The following NAA30 variants were observed in gnomAD, a reference collection of about 807,000 sequenced individuals.
NAA30 encodes N-alpha-acetyltransferase 30, NatC catalytic subunit.
A neutral mutation model predicts 31.4 loss-of-function variants in NAA30; 5 were observed. The ratio of observed to expected loss-of-function variants is 0.16; its 90% CI spans 0.08 to 0.33. The LOEUF is 0.33. Ranked by LOEUF, NAA30 falls within the 10% of genes least tolerant of loss-of-function variation. NAA30 has a pLI of 1.00. For missense variants in NAA30, 428 were observed against 490.8 expected (o/e 0.87, Z 1.21); for synonymous variants, 222 against 207.1 (o/e 1.07, Z -0.62).
Position 57,409,602 on chromosome 14 carries a change from G to C in NAA30, c.*86G>C, listed in dbSNP as rs1314179407. On this transcript the variant is annotated 3_prime_UTR_variant, in exon 5 of 5. Coordinates refer to ENST00000556492, the MANE Select transcript of NAA30 (RefSeq NM_001011713.3). Reference sequence around the variant, plus strand: ...TTTGTACAGAATTGCTTTGCAGGTGGATTTAGTAATTTCCATGCAGCTCTT... The same window carrying C: ...TTTGTACAGAATTGCTTTGCAGGTGCATTTAGTAATTTCCATGCAGCTCTT... 1 of 1,359,430 alleles carries C rather than the reference G, an allele frequency of 7.4e-7. No homozygotes were observed. Among genetic ancestry groups the C allele is most frequent in the Non-Finnish European group, 9.8e-7 (1 of 1,021,094 alleles). 84.2% of individuals were successfully genotyped at this position (1,359,430 alleles called of 1,614,324 possible). A position where few individuals can be genotyped will look rare whatever the true frequency, so the allele number is the denominator to read the frequency against.
Position 57,390,624 on chromosome 14 carries a change from G to C in NAA30, c.-83G>C. The C allele has an allele frequency of 3.0e-6, 1 of 337,808 alleles. No homozygotes were observed. Among genetic ancestry groups the C allele is most frequent in the Non-Finnish European group, 5.3e-6 (1 of 187,664 alleles). The allele number at this position is 337,808 out of a possible 1,614,324, so 20.9% of individuals were successfully genotyped here. A position where few individuals can be genotyped will look rare whatever the true frequency, so the allele number is the denominator to read the frequency against. ...CTGAGTGAGAACCTTGGCGGCTGTGGAGGCTGCCGCGGCTGCGAAGGAGGC... is the reference window on the plus strand; with the variant it reads ...CTGAGTGAGAACCTTGGCGGCTGTGCAGGCTGCCGCGGCTGCGAAGGAGGC... On this transcript the variant is annotated 5_prime_UTR_variant, in exon 1 of 5. Transcript: ENST00000556492.
intron 4 of NAA30, among the ~76,000 whole-genome samples, chr14:57,408,950 C>T (rs1043424930): frequency 1.3e-5 from 2 of 152,106 alleles, no homozygotes; most frequent in Admixed American, 6.5e-5. Context: ...GAATAAATGA[C>T]ATATTAATGA....
intron 3 of NAA30, among the ~76,000 whole-genome samples, chr14:57,397,605 G>A (rs1024417612): frequency 2.6e-5 from 4 of 152,092 alleles, no homozygotes; most frequent in Admixed American, 1.3e-4. Flanking sequence ...GATAACTTTT[G>A]TCATTTAAAT....
intron 4 of NAA30, among the ~76,000 whole-genome samples, chr14:57,407,509 G>A (rs1413510769): frequency 6.6e-6 from 1 of 152,168 alleles, no homozygotes; most frequent in Admixed American, 6.5e-5. Flanking sequence ...AGGGCCAAAA[G>A]AGAGGAGGAT....
intron 4 of NAA30, among the ~76,000 whole-genome samples, chr14:57,403,234 G>GA (rs11406655): frequency 0.79 from 107,198 of 136,412 alleles, 43,398 homozygotes; most frequent in Non-Finnish European, 0.89. Context: ...TCCGTGGCCG[G>GA]AAAAAAAAAA....
rs144871771 is a variant in NAA30 at position 57,408,474 on chromosome 14, C to T, written c.952-905C>T. On this transcript the variant is annotated intron_variant, in intron 4 of 4. Coordinates refer to ENST00000556492, the MANE Select transcript of NAA30 (RefSeq NM_001011713.3). ...TAAATGAAAGTTAATACTATGTGTT[C>T]CTCTGTTAAGCTTTGCTATATAGAC... Among the ~76,000 whole-genome samples, 47 of 152,274 alleles carry T rather than the reference C, an allele frequency of 3.1e-4. 1 individual carries two copies. Among genetic ancestry groups the T allele is most frequent in the Admixed American group, 9.8e-4 (15 of 15,292 alleles).
At chr14:57,393,969 A>AT (rs2066440391) in intron 2 of NAA30, among the ~76,000 whole-genome samples, 1 of 152,156 alleles carries the variant, frequency 6.6e-6, no homozygotes, top group Non-Finnish European at 1.5e-5. Flanking sequence ...TCAAGAGATT[A>AT]AAAACCTCCA....
At chr14:57,399,799 C>T in intron 3 of NAA30, 29 bp from the exon 4 acceptor site, 1 of 1,162,568 alleles carries the variant, frequency 8.6e-7, no homozygotes, top group East Asian at 2.4e-5. Flanking sequence ...TACATTTTTC[C>T]TTCATTAATA....
rs1347247750 is a variant in NAA30, at chr14:57,410,684, GA to G, written c.*1173del. On this transcript the variant is annotated 3_prime_UTR_variant, in exon 5 of 5. Transcript: ENST00000556492. Reference sequence around the variant, plus strand: ...GGGGAGCTTTGCTTTTCTTCTGCCAGAAAAACAAAAGGGGGAAATGAAAATC... The same window carrying G: ...GGGGAGCTTTGCTTTTCTTCTGCCAGAAAACAAAAGGGGGAAATGAAAATC... 2 of 151,960 alleles carry G rather than the reference GA, an allele frequency of 1.3e-5. No individual in the cohort carries two copies. The highest frequency in any genetic ancestry group is 2.9e-5 in the Non-Finnish European group (2 of 67,926). The allele number at this position is 151,960 out of a possible 1,614,324, so 9.4% of individuals were successfully genotyped here. A position where few individuals can be genotyped will look rare whatever the true frequency, so the allele number is the denominator to read the frequency against.
Position 57,391,198 on chromosome 14 carries a change from C to G in NAA30, c.241C>G (p.Gln81Glu). 2 of 1,611,578 alleles carry G rather than the reference C, an allele frequency of 1.2e-6. No individual in the cohort carries two copies. Among genetic ancestry groups the G allele is most frequent in the Non-Finnish European group, 1.7e-6 (2 of 1,179,792 alleles). The change falls in exon 2 of 5, where the codon CAG (glutamine) becomes GAG (glutamate). Residue 81 changes from glutamine to glutamate, a missense_variant. Transcript: ENST00000556492. This position sits in a 1 kb window ranked among gnomAD's most constrained non-coding sequence, Gnocchi z 4.1. ...CCGCTGCCCTCAGCCGCCGCAGGAG[C>G]AGCAGCAGCTCAACGGATTGATTAG... ...CLRCPQPPQE[Q>E]QQLNGLISPE... is the part of the protein sequence containing the mutation.
chr14:57,391,127 C>T lies in NAA30; in HGVS notation c.170C>T (p.Ala57Val), dbSNP rs1275803170. ...EHEGGGSRSPAGGESATVAAK... is the reference protein window; with the variant it reads ...EHEGGGSRSPVGGESATVAAK... ...GAAGGCGGCGGCAGCAGGAGCCCGG[C>T]GGGCGGAGAGTCGGCGACGGTGGCG... Residue 57 changes from alanine to valine, a missense_variant, in exon 2 of 5, where the codon GCG (alanine) becomes GTG (valine). Around this residue, in one of 2 missense-constraint regions of NAA30, gnomAD observed 349 missense variants for 310.4 expected, o/e 1.12. Coordinates refer to ENST00000556492, the MANE Select transcript of NAA30 (RefSeq NM_001011713.3). This position sits in a 1 kb window ranked among gnomAD's most constrained non-coding sequence, Gnocchi z 4.1. 6.4e-7 allele frequency: 1 copy of T among 1,574,142 alleles called. No individual in the cohort carries two copies. The highest frequency in any genetic ancestry group is 1.2e-5 in the South Asian group (1 of 86,344).
rs1566547491 is a variant in NAA30, at chr14:57,391,482, G to A, written c.525G>A (p.Gln175=). The change falls in exon 2 of 5, where the codon CAG becomes CAA. Residue 175 remains glutamine (Q), a synonymous_variant. Transcript: ENST00000556492. The surrounding 1 kb of genome is among the most constrained non-coding windows in gnomAD (Gnocchi z 4.1). ...ATGGACTGGCCGAGGGCACCGAGCA[G>A]GAGGAGGAGGAGGAAGACGAGCAGG... ...ARNGLAEGTE[Q]EEEEEDEQVR... 1.9e-6 allele frequency: 3 copies of A among 1,592,928 alleles called. No homozygotes were observed. Among genetic ancestry groups the A allele is most frequent in the Non-Finnish European group, 2.6e-6 (3 of 1,163,970 alleles).
rs1025046092 is a variant in NAA30, at chr14:57,410,386, C to T, written c.*870C>T. 1.3e-5 allele frequency: 2 copies of T among 152,432 alleles called. No homozygotes were observed. Among genetic ancestry groups the T allele is most frequent in the Admixed American group, 1.3e-4 (2 of 15,254 alleles). The allele number at this position is 152,432 out of a possible 1,614,324, so 9.4% of individuals were successfully genotyped here. On this transcript the variant is annotated 3_prime_UTR_variant, in exon 5 of 5. Transcript: ENST00000556492. ...CGGGAATTGCTGGGGTTTAGATGCACTTTTTCTTTTGAGAGTAAGGGAAGT... is the reference window on the plus strand; with the variant it reads ...CGGGAATTGCTGGGGTTTAGATGCATTTTTTCTTTTGAGAGTAAGGGAAGT...
At chr14:57,394,154 A>G (rs2066441509) in intron 2 of NAA30, among the ~76,000 whole-genome samples, 1 of 149,488 alleles carries the variant, frequency 6.7e-6, no homozygotes, top group Non-Finnish European at 1.5e-5. Flanking sequence ...ACTTTCAGTT[A>G]CTCTGTACTT....
At chr14:57,395,319 AAAG>A (rs1458642262) in intron 2 of NAA30, among the ~76,000 whole-genome samples, 1 of 152,156 alleles carries the variant, frequency 6.6e-6, no homozygotes, top group African/African-American at 2.4e-5. Flanking sequence ...ACAGTTAAAA[AAAG>A]GCCTTTTAAT....
intron 2 of NAA30, among the ~76,000 whole-genome samples, chr14:57,394,191 T>G (rs77038488): frequency 1.8e-3 from 276 of 151,986 alleles, no homozygotes; most frequent in African/African-American, 6.3e-3. Context: ...CCTGTTTTCA[T>G]AGTAACATTT....
In NAA30 at chr14:57,391,257, C is replaced by T. The variant is rs752111175; in HGVS notation, c.300C>T (p.Ser100=). ...TGCGGCACCTCCGGGCGGCCGCCTC[C>T]CTCAAGAGCAAGGTCCTGAGCGTAG... The part of the protein sequence containing the change: ...PELRHLRAAA[S]LKSKVLSVAE... Residue 100 remains serine, a synonymous_variant, in exon 2 of 5, where the codon TCC becomes TCT. Coordinates refer to ENST00000556492, the MANE Select transcript of NAA30 (RefSeq NM_001011713.3). The surrounding 1 kb of genome is among the most constrained non-coding windows in gnomAD (Gnocchi z 4.1). 8.7e-6 allele frequency: 14 copies of T among 1,612,138 alleles called. No homozygotes were observed. The highest frequency in any genetic ancestry group is 1.1e-5 in the Non-Finnish European group (13 of 1,179,748).
rs187977558 is a variant in NAA30 at position 57,390,844 on chromosome 14, C to T, written c.-1-113C>T. 7.0e-3 allele frequency: 7,216 copies of T among 1,037,378 alleles called. 26 individuals are homozygous for T. Among genetic ancestry groups the T allele is most frequent in the Non-Finnish European group, 8.5e-3 (6,510 of 765,270 alleles). The allele number at this position is 1,037,378 out of a possible 1,614,324, so 64.3% of individuals were successfully genotyped here. The stretch of plus-strand genomic sequence containing the variant: ...AATTGGGGGGCAGCTCCGTGAGGGA[C>T]GGTTTCTGCCTTTGTTCCCCCCACC... On this transcript the variant is annotated intron_variant, in intron 1 of 4. Coordinates refer to ENST00000556492, the MANE Select transcript of NAA30 (RefSeq NM_001011713.3).
rs1328272479 is a variant in NAA30, at chr14:57,391,437, C to G, written c.480C>G (p.Ser160Arg). ...VPSPVEAAAA[S>R]DPAAARNGLA... is the part of the protein sequence containing the mutation. ...GCCCGGTGGAGGCAGCGGCGGCGAG[C>G]GATCCCGCGGCGGCCCGCAATGGAC... Residue 160 changes from serine (S) to arginine (R), a missense_variant, in exon 2 of 5, where the codon AGC becomes AGG. By Grantham distance (110) the Ser-to-Arg change is moderately radical. Around this residue, in one of 2 missense-constraint regions of NAA30, gnomAD observed 349 missense variants for 310.4 expected, o/e 1.12. Coordinates refer to ENST00000556492, the MANE Select transcript of NAA30 (RefSeq NM_001011713.3). This position sits in a 1 kb window ranked among gnomAD's most constrained non-coding sequence, Gnocchi z 4.1. 6.2e-7 allele frequency: 1 copy of G among 1,606,828 alleles called. No homozygotes were observed. The highest frequency in any genetic ancestry group is 8.5e-7 in the Non-Finnish European group (1 of 1,176,956).
Sources: allele counts gnomAD v4.1 joint callset (sites outside exome capture counted in the v4.1 genomes callset), GRCh38; gene constraint gnomAD v4.1.1; regional missense constraint gnomAD v4.1.1; non-coding constraint Gnocchi (gnomAD v3.1); transcripts MANE v1.5; gene names NCBI Gene and HGNC (gene_info 2026-07-23, HGNC 2026-07-21).